KCND2: variants seen among roughly 807,000 people sequenced by gnomAD.
The protein encoded by KCND2 is potassium voltage-gated channel subfamily D member 2.
Under a neutral mutation model 54.4 loss-of-function variants are expected in KCND2, and 16 were observed. That is an observed-to-expected ratio of 0.29 (90% confidence interval 0.20 to 0.45). KCND2 has a LOEUF of 0.45. Ranked by LOEUF, KCND2 falls within the 20% of genes least tolerant of loss-of-function variation. KCND2 has a pLI of 1.00. For missense variants in KCND2, 486 were observed against 824.2 expected (o/e 0.59, Z 5.02); for synonymous variants, 317 against 310.7 (o/e 1.02, Z -0.21).
chr7:120,591,219 T>C (rs1000657315), intron 1 of KCND2, among the ~76,000 whole-genome samples: 2 of 152,224 alleles, frequency 1.3e-5, no homozygotes, highest in East Asian at 1.9e-4. Flanking sequence ...ATTTGGTGAA[T>C]GCTTATGAGA....
At chr7:120,613,674 C>T (rs1465382575) in intron 1 of KCND2, among the ~76,000 whole-genome samples, 2 of 152,176 alleles carry the variant, frequency 1.3e-5, no homozygotes, top group African/African-American at 4.8e-5. Flanking sequence ...TGTAACTCAT[C>T]CCTGATGTAG....
At chr7:120,384,840 C>G (rs540448495) in intron 1 of KCND2, among the ~76,000 whole-genome samples, 10 of 152,138 alleles carry the variant, frequency 6.6e-5, no homozygotes, top group Admixed American at 2.0e-4. Flanking sequence ...AACAGCCATA[C>G]ACAAGGAGAA....
At chr7:120,656,798 C>T (rs1030092897) in intron 1 of KCND2, among the ~76,000 whole-genome samples, 1 of 152,192 alleles carries the variant, frequency 6.6e-6, no homozygotes, top group Non-Finnish European at 1.5e-5. Flanking sequence ...TTATTCCCCT[C>T]AATACCTCAT....
intron 1 of KCND2, among the ~76,000 whole-genome samples, chr7:120,602,750 T>C (rs1562885323): frequency 6.6e-6 from 1 of 152,242 alleles, no homozygotes; most frequent in African/African-American, 2.4e-5. Context: ...TGGCTGAGAC[T>C]GTTACATAGT....
At chr7:120,361,146 C>G (rs1252521272) in intron 1 of KCND2, among the ~76,000 whole-genome samples, 3 of 151,962 alleles carry the variant, frequency 2.0e-5, no homozygotes, top group Admixed American at 2.0e-4. Flanking sequence ...TTGACTGTCA[C>G]AGAAGCCTTT....
intron 1 of KCND2, among the ~76,000 whole-genome samples, chr7:120,445,418 A>G (rs914253673): frequency 7.2e-5 from 11 of 152,204 alleles, no homozygotes; most frequent in Middle Eastern, 3.4e-3. Context: ...GGTTAGGAGG[A>G]CAGTCTCTGA....
At chr7:120,579,338 C>T (rs1008751589) in intron 1 of KCND2, among the ~76,000 whole-genome samples, 4 of 151,894 alleles carry the variant, frequency 2.6e-5, no homozygotes, top group African/African-American at 9.7e-5. Flanking sequence ...GGCACGGTGG[C>T]TCATGCCTGT....
chr7:120,641,545 G>T (rs1286776126), intron 1 of KCND2, among the ~76,000 whole-genome samples: 4 of 152,006 alleles, frequency 2.6e-5, no homozygotes, highest in Non-Finnish European at 4.4e-5. Context: ...CTTCCACCTG[G>T]GCTTGGAGAA....
At chr7:120,550,349 G>C (rs1159431874) in intron 1 of KCND2, among the ~76,000 whole-genome samples, 9 of 152,042 alleles carry the variant, frequency 5.9e-5, no homozygotes, top group Non-Finnish European at 1.2e-4. Context: ...TCAGCGGTAA[G>C]TCAGAAATTG....
intron 1 of KCND2, among the ~76,000 whole-genome samples, chr7:120,362,537 T>G (rs1458842404): frequency 6.6e-6 from 1 of 152,050 alleles, no homozygotes; most frequent in East Asian, 1.9e-4. Context: ...ATGTGAATGT[T>G]GCAGTGTATG....
chr7:120,609,669 A>G (rs1241047737), intron 1 of KCND2, among the ~76,000 whole-genome samples: 2 of 152,166 alleles, frequency 1.3e-5, no homozygotes, highest in Admixed American at 1.3e-4. Context: ...AGAACAGCCT[A>G]TCTGTTTTTT....
intron 1 of KCND2, among the ~76,000 whole-genome samples, chr7:120,601,895 G>A (rs185584127): frequency 5.3e-5 from 8 of 152,322 alleles, no homozygotes; most frequent in Admixed American, 4.6e-4. Context: ...CTGCTCACGT[G>A]TGAGGCCAAT....
At chr7:120,535,104 A>G (rs1469842743) in intron 1 of KCND2, among the ~76,000 whole-genome samples, 4 of 152,184 alleles carry the variant, frequency 2.6e-5, no homozygotes, top group Non-Finnish European at 5.9e-5. Context: ...CTATTATAGT[A>G]ATCTTCTGGA....
At chr7:120,701,262 A>AT (rs1792398756) in intron 1 of KCND2, among the ~76,000 whole-genome samples, 3 of 139,684 alleles carry the variant, frequency 2.1e-5, no homozygotes, top group Non-Finnish European at 4.6e-5. Flanking sequence ...AAAAAAAAAA[A>AT]AAAAAAAAAA....
intron 1 of KCND2, among the ~76,000 whole-genome samples, chr7:120,299,379 AGT>A (rs987016356): frequency 1.3e-5 from 2 of 151,032 alleles, no homozygotes; most frequent in Non-Finnish European, 3.0e-5. Context: ...CTTTTGTGTG[AGT>A]GTGTGTGTGT....
chr7:120,737,914 A>G (rs1792894760), intron 2 of KCND2, among the ~76,000 whole-genome samples: 1 of 151,958 alleles, frequency 6.6e-6, no homozygotes, highest in South Asian at 2.1e-4. Context: ...AAGATGGCCC[A>G]ATAACTTCCT....
At chr7:120,503,036 A>G (rs1347338271) in intron 1 of KCND2, among the ~76,000 whole-genome samples, 2 of 152,104 alleles carry the variant, frequency 1.3e-5, no homozygotes, top group African/African-American at 4.8e-5. Context: ...ACTTGCAAGG[A>G]ATGCCCACTA....
At chr7:120,596,825 A>G (rs1420335346) in intron 1 of KCND2, among the ~76,000 whole-genome samples, 1 of 152,212 alleles carries the variant, frequency 6.6e-6, no homozygotes, top group East Asian at 1.9e-4. Flanking sequence ...AAAATAAAAC[A>G]AGTGCACATG....
chr7:120,488,506 G>A (rs1037590180), intron 1 of KCND2, among the ~76,000 whole-genome samples: 19 of 151,936 alleles, frequency 1.3e-4, no homozygotes, highest in Admixed American at 6.6e-5. Flanking sequence ...TTTAATTGAT[G>A]TGTGATACAT....
Sources: gnomAD v4.1 joint callset for allele counts (sites outside exome capture counted in the v4.1 genomes callset) on GRCh38, gnomAD v4.1.1 for gene constraint, MANE v1.5 for transcripts, NCBI Gene and HGNC (gene_info 2026-07-23, HGNC 2026-07-21) for gene names.